PTPRN2: variants seen among roughly 807,000 people sequenced by gnomAD.
The protein encoded by PTPRN2 is protein tyrosine phosphatase receptor type N2, also known as receptor-type tyrosine-protein phosphatase N2.
A neutral mutation model predicts 118.8 loss-of-function variants in PTPRN2; 74 were observed. The observed-to-expected ratio is 0.62, with a 90% CI of 0.52 to 0.76. The LOEUF is 0.76. PTPRN2 is among the 30% of genes least tolerant of loss of function. PTPRN2 has a pLI of 0.00. For synonymous variants in PTPRN2, 641 were observed against 608.0 expected (o/e 1.05, Z -0.80); for missense variants, 1,481 against 1,394.4 (o/e 1.06, Z -0.99).
Position 157,986,107 on chromosome 7 carries a change from TC to T in PTPRN2, c.1724-87371del, listed in dbSNP as rs1445126283. 1.3e-5 allele frequency among the ~76,000 whole-genome samples: 2 copies of T among 152,194 alleles called. No homozygotes were observed. Among genetic ancestry groups the T allele is most frequent in the Non-Finnish European group, 2.9e-5 (2 of 68,036 alleles). On this transcript the variant is annotated intron_variant, in intron 11 of 22. Coordinates refer to ENST00000389418, the MANE Select transcript of PTPRN2 (RefSeq NM_002847.5). The surrounding 1 kb of genome is among the most constrained non-coding windows in gnomAD (Gnocchi z 4.5). ...TGGGAGGAGGGAGGGGTTCTGACCATCTTCTCTGGTGCTCAGTGAGGCAATA... is the reference window on the plus strand; with the variant it reads ...TGGGAGGAGGGAGGGGTTCTGACCATTTCTCTGGTGCTCAGTGAGGCAATA...
At chr7:157,965,825 A>G (rs918444647) in intron 11 of PTPRN2, among the ~76,000 whole-genome samples, 3 of 152,242 alleles carry the variant, frequency 2.0e-5, no homozygotes, top group Non-Finnish European at 4.4e-5. Context: ...CAAAAATAAG[A>G]GCCCCCTCAT....
chr7:157,811,761 A>C (rs370149973), intron 12 of PTPRN2, among the ~76,000 whole-genome samples: 2 of 152,032 alleles, frequency 1.3e-5, no homozygotes, highest in Non-Finnish European at 2.9e-5. Flanking sequence ...GCCTCCCCTC[A>C]TCTGACGAGG....
chr7:158,034,926 C>T (rs1040930426), intron 11 of PTPRN2, among the ~76,000 whole-genome samples: 1 of 152,240 alleles, frequency 6.6e-6, no homozygotes, highest in African/African-American at 2.4e-5. Context: ...CACACAGGAG[C>T]CTGCCTGTCA....
chr7:157,731,054 C>T (rs1402817530), intron 12 of PTPRN2, among the ~76,000 whole-genome samples: 1 of 152,168 alleles, frequency 6.6e-6, no homozygotes, highest in Non-Finnish European at 1.5e-5. Context: ...CGAGGGGGTC[C>T]TGTCTCATTC....
chr7:158,543,060 A>T (rs545506514), intron 1 of PTPRN2, among the ~76,000 whole-genome samples: 315 of 152,378 alleles, frequency 2.1e-3, no homozygotes, highest in Non-Finnish European at 3.7e-3. Flanking sequence ...AAAATAGTCT[A>T]GCCACAGTTT....
Position 157,540,584 on chromosome 7 carries a change from G to A in PTPRN2, c.*130C>T, listed in dbSNP as rs985344379. ...AATACACTTTTAACTGCTAAACTGC[G>A]CTGACTACGGGAGAGCTAAGGGCCC... On this transcript the variant is annotated 3_prime_UTR_variant, in exon 23 of 23. Coordinates refer to ENST00000389418, the MANE Select transcript of PTPRN2 (RefSeq NM_002847.5). 8 of 617,508 alleles carry A rather than the reference G, an allele frequency of 1.3e-5. No individual in the cohort carries two copies. The highest frequency in any genetic ancestry group is 3.8e-5 in the African/African-American group (2 of 52,564). The allele number at this position is 617,508 out of a possible 1,614,324, so 38.3% of individuals were successfully genotyped here.
intron 1 of PTPRN2, among the ~76,000 whole-genome samples, chr7:158,557,313 TC>T (rs1190584400): frequency 1.4e-5 from 2 of 138,614 alleles, no homozygotes; most frequent in African/African-American, 2.8e-5. Context: ...GGCAGGTCGC[TC>T]CCGCGCAGGG....
chr7:157,768,502 C>T (rs558600372), intron 12 of PTPRN2, among the ~76,000 whole-genome samples: 7 of 152,248 alleles, frequency 4.6e-5, no homozygotes, highest in Admixed American at 1.3e-4. Flanking sequence ...AGCACGCGGC[C>T]GCAACACTTG....
intron 11 of PTPRN2, among the ~76,000 whole-genome samples, chr7:157,925,605 G>A (rs1055726191): frequency 2.6e-5 from 4 of 152,134 alleles, no homozygotes; most frequent in Non-Finnish European, 4.4e-5. Flanking sequence ...GTCAGGCCAC[G>A]TGGAAACCGC....
chr7:157,643,859 G>A (rs889056773), intron 14 of PTPRN2, among the ~76,000 whole-genome samples: 1 of 152,202 alleles, frequency 6.6e-6, no homozygotes, highest in African/African-American at 2.4e-5. Context: ...GCAGATAGAC[G>A]GCAGTCCGGG....
In PTPRN2 at chr7:157,576,567, C is replaced by G. The variant is rs141868425; in HGVS notation, c.2783+46G>C. On this transcript the variant is annotated intron_variant, in intron 19 of 22. Transcript: ENST00000389418. The stretch of plus-strand genomic sequence containing the variant: ...GCACCGAAGCCTCGCTCCCCTGTGC[C>G]GCGCGCTCAGCGCGCACTGCCCTGC... 714 of 1,541,954 alleles carry G rather than the reference C, an allele frequency of 4.6e-4. 2 individuals carry two copies. The African/African-American group carries it at 8.8e-3, about 19-fold the overall frequency.
At chr7:157,832,002 C>A (rs1431385418) in intron 12 of PTPRN2, among the ~76,000 whole-genome samples, 1 of 152,146 alleles carries the variant, frequency 6.6e-6, no homozygotes, top group African/African-American at 2.4e-5. Flanking sequence ...CTGCTGATGG[C>A]CCTGAGGGGT....
chr7:158,047,068 A>C (rs1314884829), intron 11 of PTPRN2, among the ~76,000 whole-genome samples: 1 of 152,214 alleles, frequency 6.6e-6, no homozygotes, highest in Admixed American at 6.5e-5. Context: ...GCCTCCAGAT[A>C]CACTCAACTC....
At chr7:158,434,999 C>T (rs754691739) in intron 2 of PTPRN2, among the ~76,000 whole-genome samples, 1 of 152,192 alleles carries the variant, frequency 6.6e-6, no homozygotes, top group South Asian at 2.1e-4. Context: ...ACCTGTAAAC[C>T]GCCTAGAAGG....
chr7:158,290,062 AG>A (rs1563093572), intron 3 of PTPRN2, among the ~76,000 whole-genome samples: 2 of 152,170 alleles, frequency 1.3e-5, no homozygotes, highest in South Asian at 4.1e-4. Flanking sequence ...CTGAGTCTGA[AG>A]GGGCTGTCCT....
chr7:157,744,689 C>A (rs975172921), intron 12 of PTPRN2, among the ~76,000 whole-genome samples: 1 of 152,152 alleles, frequency 6.6e-6, no homozygotes, highest in Non-Finnish European at 1.5e-5. Context: ...ACCATCAGAA[C>A]GTGTGCAGAA....
rs1804124809 is a variant in PTPRN2 at position 157,787,302 on chromosome 7, A to G, written c.1789-104365T>C. ...CTGGGGTGTCGGGGATCAGGTGAGC[A>G]AGGGGGCTCATCCGTGGCCTCCAGG... is the stretch of plus-strand genomic sequence containing the variant. On this transcript the variant is annotated intron_variant, in intron 12 of 22. Transcript: ENST00000389418. The surrounding 1 kb of genome is among the most constrained non-coding windows in gnomAD (Gnocchi z 5.3). Among the ~76,000 whole-genome samples, 1 of 152,280 alleles carries G rather than the reference A, an allele frequency of 6.6e-6. No homozygotes were observed. Among genetic ancestry groups the G allele is most frequent in the Non-Finnish European group, 1.5e-5 (1 of 68,014 alleles).
At chr7:158,194,600 A>T (rs1420430750) in intron 4 of PTPRN2, among the ~76,000 whole-genome samples, 2 of 152,182 alleles carry the variant, frequency 1.3e-5, no homozygotes, top group Non-Finnish European at 2.9e-5. Context: ...CTCCCTCATA[A>T]CAGGCTTTAC....
chr7:157,715,978 T>G (rs1392054925), intron 12 of PTPRN2, among the ~76,000 whole-genome samples: 1 of 152,240 alleles, frequency 6.6e-6, no homozygotes, highest in African/African-American at 2.4e-5. Context: ...CTGACTTAGC[T>G]GTTTTCCACC....
Sources: gnomAD v4.1 joint callset for allele counts (sites outside exome capture counted in the v4.1 genomes callset) on GRCh38, gnomAD v4.1.1 for gene constraint, Gnocchi (gnomAD v3.1) non-coding constraint, MANE v1.5 for transcripts, NCBI Gene and HGNC (gene_info 2026-07-23, HGNC 2026-07-21) for gene names.